Variants in MGST1 observed in about 807,000 individuals in gnomAD.
MGST1 encodes the protein glutathione S-transferase 12.
Under a neutral mutation model 8.9 loss-of-function variants are expected in MGST1, and 5 were observed. The ratio of observed to expected loss-of-function variants is 0.56; its 90% CI spans 0.29 to 1.19. The LOEUF (loss-of-function observed/expected upper bound fraction) is 1.19, where lower values mean the gene tolerates loss of function less well. MGST1 is among the 50% of genes most tolerant of loss of function. The pLI is 0.08. For synonymous variants in MGST1, 54 were observed against 67.8 expected (o/e 0.80, Z 1.00); for missense variants, 182 against 187.4 (o/e 0.97, Z 0.17).
rs1942321297 is a variant in MGST1 at position 16,559,766 on chromosome 12, CAT to C, written n.483-29760_483-29759del. ...AGGAGTTTGAGACCAGCCTGGGTAA[CAT>C]AGTGAAACTCCATCATCTCTATAAA... On this transcript the variant is annotated intron_variant and non_coding_transcript_variant, in intron 4 of 4. Coordinates refer to the MGST1 transcript ENST00000538857. The surrounding 1 kb of genome is among the most constrained non-coding windows in gnomAD (Gnocchi z 4.1). Among the ~76,000 whole-genome samples the C allele has an allele frequency of 6.8e-6, 1 of 147,738 alleles. No individual in the cohort carries two copies. The highest frequency in any genetic ancestry group is 1.5e-5 in the Non-Finnish European group (1 of 67,142).
downstream of MGST1, among the ~76,000 whole-genome samples, chr12:16,365,569 T>C (rs1177767351): frequency 3.9e-5 from 6 of 152,236 alleles, no homozygotes; most frequent in Non-Finnish European, 8.8e-5. Flanking sequence ...TAGAATTCCA[T>C]ACAAGTTTCC....
intron 1 of MGST1, chr12:16,402,203 G>T: frequency 6.3e-7 from 1 of 1,582,434 alleles, no homozygotes. Context: ...CCATAAAGAT[G>T]ATTTTGTCAT....
At chr12:16,541,836 C>T (rs949006646) in intron 4 of MGST1, among the ~76,000 whole-genome samples, 11 of 152,018 alleles carry the variant, frequency 7.2e-5, no homozygotes, top group Non-Finnish European at 1.2e-4. Context: ...CAATAAAATT[C>T]GTAAGTTTCG....
chr12:16,374,756 T>A (rs1474860785), intron 3 of MGST1, among the ~76,000 whole-genome samples: 1 of 152,204 alleles, frequency 6.6e-6, no homozygotes, highest in Middle Eastern at 3.2e-3. Context: ...TAGATTATTA[T>A]GCAGCTGTAA....
intron 1 of MGST1, among the ~76,000 whole-genome samples, chr12:16,421,027 C>T (rs566471045): frequency 1.3e-5 from 2 of 152,254 alleles, no homozygotes; most frequent in South Asian, 4.1e-4. Flanking sequence ...CATTGTCTCT[C>T]TTCTCTCCTA....
Position 16,386,555 on chromosome 12 carries a change from T to C in MGST1, n.778+2951T>C, listed in dbSNP as rs570735481. Among the ~76,000 whole-genome samples the C allele has an allele frequency of 6.6e-4, 101 of 152,310 alleles. 1 individual carries two copies. Among genetic ancestry groups the C allele is most frequent in the African/African-American group, 2.3e-3 (94 of 41,562 alleles). On this transcript the variant is annotated intron_variant and non_coding_transcript_variant, in intron 1 of 1. Transcript: ENST00000359720. ...ACTGAGACCGAAGCTTCTAAAACAATCTGTCATGAAGAATTACGAGCTAGC... is the reference window on the plus strand; with the variant it reads ...ACTGAGACCGAAGCTTCTAAAACAACCTGTCATGAAGAATTACGAGCTAGC...
intron 4 of MGST1, among the ~76,000 whole-genome samples, chr12:16,488,689 A>G (rs1941416327): frequency 6.6e-6 from 1 of 152,148 alleles, no homozygotes; most frequent in Non-Finnish European, 1.5e-5. Context: ...CATATTATTA[A>G]TATGTAATTT....
intron 4 of MGST1, among the ~76,000 whole-genome samples, chr12:16,533,283 C>G (rs971702724): frequency 2.0e-5 from 3 of 152,084 alleles, no homozygotes; most frequent in African/African-American, 7.2e-5. Flanking sequence ...AAAGGTGAGG[C>G]TGTACACACC....
intron 1 of MGST1, among the ~76,000 whole-genome samples, chr12:16,406,663 C>G (rs1470261624): frequency 6.6e-6 from 1 of 152,172 alleles, no homozygotes; most frequent in Non-Finnish European, 1.5e-5. Context: ...AACTATACTA[C>G]AGGGCTACAG....
chr12:16,407,752 G>A (rs1188501851), intron 1 of MGST1, among the ~76,000 whole-genome samples: 1 of 151,966 alleles, frequency 6.6e-6, no homozygotes, highest in Non-Finnish European at 1.5e-5. Flanking sequence ...GAACAAGATT[G>A]GCCGATTGCA....
At chr12:16,414,465 G>C (rs886831031) in intron 1 of MGST1, among the ~76,000 whole-genome samples, 3 of 149,688 alleles carry the variant, frequency 2.0e-5, no homozygotes, top group African/African-American at 4.9e-5. Context: ...GCCCAGGCTG[G>C]AGTGCAGTGG....
At chr12:16,566,264 G>C (rs191835056) in intron 4 of MGST1, among the ~76,000 whole-genome samples, 119 of 151,530 alleles carry the variant, frequency 7.9e-4, no homozygotes, top group African/African-American at 2.7e-3. Context: ...GAGGGAAGGA[G>C]GAAGGGGAGA....
intron 1 of MGST1, among the ~76,000 whole-genome samples, chr12:16,421,985 A>G (rs1250441684): frequency 6.6e-6 from 1 of 152,092 alleles, no homozygotes; most frequent in African/African-American, 2.4e-5. Context: ...CTGGTTGGAC[A>G]TTTTTGGCAG....
chr12:16,469,750 T>G (rs1417973515), intron 4 of MGST1, among the ~76,000 whole-genome samples: 1 of 152,216 alleles, frequency 6.6e-6, no homozygotes. Flanking sequence ...TGAGCTGCCT[T>G]TTGTTGCCTA....
At chr12:16,461,805 T>C (rs185666312) in intron 4 of MGST1, among the ~76,000 whole-genome samples, 234 of 152,306 alleles carry the variant, frequency 1.5e-3, no homozygotes, top group Non-Finnish European at 1.3e-4. Flanking sequence ...TTTTCCTGGG[T>C]ATGACCTTAA....
At chr12:16,432,731 C>CAGAGAG (rs767958436) in intron 1 of MGST1, among the ~76,000 whole-genome samples, 1,962 of 132,492 alleles carry the variant, frequency 0.015, 64 homozygotes, top group Non-Finnish European at 0.021. Flanking sequence ...CACACACACA[C>CAGAGAG]AGAGAGAGAG....
chr12:16,400,222 A>G (rs767088944), intron 1 of MGST1: 22 of 879,442 alleles, frequency 2.5e-5, no homozygotes, highest in Non-Finnish European at 3.5e-5. Context: ...CTGCACATCC[A>G]TGTGCCACTT....
At chr12:16,564,431 A>AT (rs1209001796) in intron 4 of MGST1, among the ~76,000 whole-genome samples, 1 of 152,230 alleles carries the variant, frequency 6.6e-6, no homozygotes, top group Non-Finnish European at 1.5e-5. Context: ...GGTTTAGTGT[A>AT]TATCCATTTC....
chr12:16,374,009 T>C (rs1940339132), intron 3 of MGST1, among the ~76,000 whole-genome samples: 1 of 152,160 alleles, frequency 6.6e-6, no homozygotes, highest in African/African-American at 2.4e-5. Flanking sequence ...TGATGGAAAT[T>C]GAGGTTTTAA....
Sources: allele counts gnomAD v4.1 joint callset (sites outside exome capture counted in the v4.1 genomes callset), GRCh38; gene constraint gnomAD v4.1.1; non-coding constraint Gnocchi (gnomAD v3.1); transcripts MANE v1.5; gene names NCBI Gene and HGNC (gene_info 2026-07-23, HGNC 2026-07-21).